The following KLHL1 variants were observed in gnomAD, a reference collection of about 807,000 sequenced individuals.
The protein encoded by KLHL1 is kelch like family member 1, also known as kelch-like protein 1.
In KLHL1, 47 loss-of-function variants were observed where a neutral mutation model predicts 77.7. That is an observed-to-expected ratio of 0.60 (90% CI 0.48 to 0.77). KLHL1 has a LOEUF of 0.77. KLHL1 is among the 30% of genes least tolerant of loss of function. The pLI is 0.00. For synonymous variants in KLHL1, 360 were observed against 325.2 expected, an observed-to-expected ratio of 1.11 and a Z score of -1.15; for missense variants, 925 against 910.8, an observed-to-expected ratio of 1.02 and a Z score of -0.20.
At position 69,777,889 on chromosome 13, in the gene KLHL1, G is replaced by A. The variant is rs557715312; in HGVS notation, c.1639+18849C>T. On this transcript the variant is annotated intron_variant, in intron 7 of 10. Coordinates refer to ENST00000377844, the MANE Select transcript of KLHL1 (RefSeq NM_020866.3). ...CATTTTATTCTGAGTATTATAGTGT[G>A]CATTTTACTGGTAGTTGAATGCAGG... 6.6e-5 allele frequency among the ~76,000 whole-genome samples: 10 copies of A among 152,134 alleles called. 1 individual carries two copies. The South Asian group carries it at 2.1e-3, about 32-fold the overall frequency.
chr13:69,744,834 T>C (rs952984155), intron 7 of KLHL1, among the ~76,000 whole-genome samples: 2 of 152,070 alleles, frequency 1.3e-5, no homozygotes, highest in Non-Finnish European at 2.9e-5. Flanking sequence ...GCAAATATTA[T>C]TACAGTGTAT....
intron 5 of KLHL1, among the ~76,000 whole-genome samples, chr13:69,876,765 C>A (rs934316217): frequency 6.6e-6 from 1 of 152,168 alleles, no homozygotes; most frequent in Non-Finnish European, 1.5e-5. Context: ...CGGCCTGGAG[C>A]AGTGGCTCAT....
intron 9 of KLHL1, among the ~76,000 whole-genome samples, chr13:69,715,582 G>A (rs979460688): frequency 2.6e-5 from 4 of 151,324 alleles, no homozygotes; most frequent in South Asian, 2.1e-4. Flanking sequence ...GTGCAGTGGC[G>A]CGATCTCGGC....
intron 1 of KLHL1, among the ~76,000 whole-genome samples, chr13:69,979,401 T>C (rs1884643473): frequency 6.6e-6 from 1 of 152,050 alleles, no homozygotes; most frequent in Admixed American, 6.6e-5. Flanking sequence ...TTATACTTAA[T>C]ATAGAATTTT....
chr13:69,990,588 T>C (rs534598548), intron 1 of KLHL1, among the ~76,000 whole-genome samples: 1 of 152,184 alleles, frequency 6.6e-6, no homozygotes, highest in East Asian at 1.9e-4. Flanking sequence ...CATTACATAA[T>C]GGTAAAGAGT....
At chr13:70,001,798 G>C (rs1050281107) in intron 1 of KLHL1, among the ~76,000 whole-genome samples, 1 of 151,312 alleles carries the variant, frequency 6.6e-6, no homozygotes, top group Non-Finnish European at 1.5e-5. Context: ...AAAATTATTT[G>C]ATAAAAATGT....
At chr13:69,782,089 G>C (rs1876245362) in intron 7 of KLHL1, among the ~76,000 whole-genome samples, 1 of 152,160 alleles carries the variant, frequency 6.6e-6, no homozygotes, top group African/African-American at 2.4e-5. Flanking sequence ...TCTACTTGGA[G>C]ATGCCAAATA....
chr13:70,002,667 T>TTA (rs1460554809), intron 1 of KLHL1, among the ~76,000 whole-genome samples: 4 of 151,710 alleles, frequency 2.6e-5, no homozygotes, highest in African/African-American at 9.7e-5. Flanking sequence ...ATCATGTCAA[T>TTA]GACAAAAGCA....
intron 1 of KLHL1, among the ~76,000 whole-genome samples, chr13:70,095,002 CT>C (rs1306578087): frequency 6.6e-6 from 1 of 152,104 alleles, no homozygotes; most frequent in Non-Finnish European, 1.5e-5. Flanking sequence ...TAGTTTCTTC[CT>C]TATGTCTGAG....
chr13:69,939,638 T>G (rs1408377928), intron 4 of KLHL1, among the ~76,000 whole-genome samples: 2 of 151,942 alleles, frequency 1.3e-5, no homozygotes, highest in Non-Finnish European at 2.9e-5. Context: ...TATTGCCTGT[T>G]AAGTGTGCAT....
chr13:69,911,709 C>T (rs1264357206), intron 4 of KLHL1, among the ~76,000 whole-genome samples: 1 of 151,878 alleles, frequency 6.6e-6, no homozygotes, highest in Admixed American at 6.6e-5. Context: ...TGTGGAAATA[C>T]CTGGTTTGTG....
chr13:69,786,268 G>A (rs903091884), intron 7 of KLHL1, among the ~76,000 whole-genome samples: 1 of 152,078 alleles, frequency 6.6e-6, no homozygotes, highest in Non-Finnish European at 1.5e-5. Context: ...ATAAAATACT[G>A]GCAAACCAAA....
chr13:70,039,636 A>G (rs1593695787), intron 1 of KLHL1, among the ~76,000 whole-genome samples: 1 of 139,520 alleles, frequency 7.2e-6, no homozygotes, highest in South Asian at 2.2e-4. Context: ...GATTCCTTGA[A>G]CTTTTTTTTT....
At chr13:70,050,002 A>G (rs751130833) in intron 1 of KLHL1, among the ~76,000 whole-genome samples, 11 of 152,136 alleles carry the variant, frequency 7.2e-5, no homozygotes, top group Non-Finnish European at 1.6e-4. Context: ...AAAAAACAAA[A>G]AATTAATAAT....
intron 1 of KLHL1, among the ~76,000 whole-genome samples, chr13:70,033,403 C>A (rs1886157159): frequency 2.0e-5 from 3 of 151,222 alleles, no homozygotes; most frequent in African/African-American, 7.3e-5. Flanking sequence ...CATTCTCCTG[C>A]CTCAGCCTCT....
At chr13:69,808,092 C>A (rs1877695033) in intron 6 of KLHL1, among the ~76,000 whole-genome samples, 1 of 152,126 alleles carries the variant, frequency 6.6e-6, no homozygotes, top group African/African-American at 2.4e-5. Context: ...GGCAACACCA[C>A]TGAAGCCCAG....
At position 70,107,465 on chromosome 13, in the gene KLHL1, A is replaced by C; in HGVS notation, c.235T>G (p.Ser79Ala). The change falls in exon 1 of 11, where the codon TCG becomes GCG. Residue 79 changes from serine to alanine, a missense_variant. By Grantham distance (99) the Ser-to-Ala change is moderately conservative (BLOSUM62 1). Coordinates refer to ENST00000377844, the MANE Select transcript of KLHL1 (RefSeq NM_020866.3). ...GAGGAGGAAGAGGACGGGGAGGACG[A>C]TGAAGAGGAAGAGGAGGAAGGCTTC... ...WKKPSSSSSSSSSPSSSSSSF... is the reference protein window; with the variant it reads ...WKKPSSSSSSASSPSSSSSSF... 6.2e-7 allele frequency: 1 copy of C among 1,614,102 alleles called. No individual in the cohort carries two copies. The highest frequency in any genetic ancestry group is 8.5e-7 in the Non-Finnish European group (1 of 1,179,984).
At chr13:69,712,424 C>A (rs1875918803) in intron 9 of KLHL1, among the ~76,000 whole-genome samples, 1 of 152,110 alleles carries the variant, frequency 6.6e-6, no homozygotes, top group Admixed American at 6.6e-5. Context: ...CACCCAGCCA[C>A]ATTTGTCATA....
At chr13:70,046,843 AC>A (rs745888892) in intron 1 of KLHL1, among the ~76,000 whole-genome samples, 11 of 152,240 alleles carry the variant, frequency 7.2e-5, no homozygotes, top group African/African-American at 2.4e-4. Context: ...CCCACCAAGT[AC>A]CGAAGCTGCA....
Sources: allele counts gnomAD v4.1 joint callset (sites outside exome capture counted in the v4.1 genomes callset), GRCh38; gene constraint gnomAD v4.1.1; transcripts MANE v1.5; gene names NCBI Gene and HGNC (gene_info 2026-07-23, HGNC 2026-07-21).